The following PCDH15 variants were observed in gnomAD, a reference collection of about 807,000 sequenced individuals.
The protein encoded by PCDH15 is protocadherin related 15, also known as protocadherin-15.
In PCDH15, 129 loss-of-function variants were observed where a neutral mutation model predicts 178.5. That is an observed-to-expected ratio of 0.72 (90% CI 0.63 to 0.84). The LOEUF (loss-of-function observed/expected upper bound fraction) is 0.84. Among genes scored for constraint, PCDH15 ranks in the 40% least tolerant of loss-of-function variants. The pLI is 0.00. For synonymous variants in PCDH15, 800 were observed against 732.0 expected, an observed-to-expected ratio of 1.09 and a Z score of -1.50; for missense variants, 2,230 against 2,099.9, an observed-to-expected ratio of 1.06 and a Z score of -1.21.
At chr10:54,808,548 C>A (rs916217335) in intron 3 of PCDH15, among the ~76,000 whole-genome samples, 2 of 152,146 alleles carry the variant, frequency 1.3e-5, no homozygotes, top group Admixed American at 6.5e-5. Flanking sequence ...CTCCTACTGC[C>A]ACCTTTTAGA....
At chr10:54,140,429 T>C (rs2043288804) in intron 14 of PCDH15, among the ~76,000 whole-genome samples, 1 of 151,796 alleles carries the variant, frequency 6.6e-6, no homozygotes, top group Non-Finnish European at 1.5e-5. Context: ...CAAAGTTAAT[T>C]GAGTAGAAGA....
At chr10:55,450,826 G>A (rs887740832) in intron 2 of PCDH15, among the ~76,000 whole-genome samples, 1 of 151,828 alleles carries the variant, frequency 6.6e-6, no homozygotes, top group African/African-American at 2.4e-5. Flanking sequence ...ATCCAGCTAA[G>A]CAATCTCCCA....
At chr10:54,163,420 A>C (rs1156454294) in intron 13 of PCDH15, among the ~76,000 whole-genome samples, 2 of 151,760 alleles carry the variant, frequency 1.3e-5, no homozygotes, top group Non-Finnish European at 2.9e-5. Context: ...AGAGAGAGAG[A>C]GCGAGAGGAG....
At chr10:55,068,121 C>T (rs1046556904) in intron 2 of PCDH15, among the ~76,000 whole-genome samples, 1 of 151,874 alleles carries the variant, frequency 6.6e-6, no homozygotes, top group Non-Finnish European at 1.5e-5. Flanking sequence ...TTTTATTTGC[C>T]TGTACTTTTG....
At chr10:53,883,899 A>G (rs1473861823) in intron 26 of PCDH15, among the ~76,000 whole-genome samples, 5 of 152,124 alleles carry the variant, frequency 3.3e-5, no homozygotes, top group Admixed American at 6.5e-5. Flanking sequence ...TATTTTTAGT[A>G]GAGACGGGCT....
intron 1 of PCDH15, among the ~76,000 whole-genome samples, chr10:55,173,856 T>G (rs1331867434): frequency 1.3e-5 from 2 of 152,308 alleles, no homozygotes; most frequent in South Asian, 2.1e-4. Flanking sequence ...TTCATCTATC[T>G]ATTTTCATAT....
At chr10:55,150,515 T>C (rs1838680111) in intron 2 of PCDH15, among the ~76,000 whole-genome samples, 1 of 152,134 alleles carries the variant, frequency 6.6e-6, no homozygotes, top group Non-Finnish European at 1.5e-5. Context: ...TACAAAAATA[T>C]ATTCCACAGG....
At chr10:55,387,449 C>T (rs1837690522) in intron 2 of PCDH15, among the ~76,000 whole-genome samples, 1 of 152,020 alleles carries the variant, frequency 6.6e-6, no homozygotes, top group African/African-American at 2.4e-5. Flanking sequence ...TTGAAAATTC[C>T]TAACATAAGC....
chr10:54,711,413 G>A (rs2095426929), intron 1 of PCDH15, among the ~76,000 whole-genome samples: 1 of 151,780 alleles, frequency 6.6e-6, no homozygotes, highest in Non-Finnish European at 1.5e-5. Context: ...AAAATAAGAG[G>A]ACTTCTTGAT....
At chr10:55,457,273 CA>C (rs1460654161) in intron 2 of PCDH15, among the ~76,000 whole-genome samples, 1 of 152,010 alleles carries the variant, frequency 6.6e-6, no homozygotes, top group African/African-American at 2.4e-5. Context: ...TGTTGCCACA[CA>C]GAATAATCAA....
At chr10:55,544,660 A>G (rs1841839632) in intron 2 of PCDH15, among the ~76,000 whole-genome samples, 2 of 152,148 alleles carry the variant, frequency 1.3e-5, no homozygotes, top group Non-Finnish European at 2.9e-5. Context: ...ACTGGATACC[A>G]TCATACACAA....
chr10:54,204,992 TTTTC>T (rs1277569857), intron 10 of PCDH15, among the ~76,000 whole-genome samples: 12 of 152,142 alleles, frequency 7.9e-5, no homozygotes, highest in Admixed American at 1.3e-4. Flanking sequence ...TGCTTATTTG[TTTTC>T]TTTATTAGTT....
intron 3 of PCDH15, among the ~76,000 whole-genome samples, chr10:54,399,545 A>C (rs1197801263): frequency 1.3e-5 from 2 of 152,066 alleles, no homozygotes; most frequent in African/African-American, 4.8e-5. Flanking sequence ...GACAATTTTA[A>C]AGGGTGAAAG....
At chr10:55,299,955 CTT>C (rs1265212548) in intron 1 of PCDH15, among the ~76,000 whole-genome samples, 5 of 152,118 alleles carry the variant, frequency 3.3e-5, no homozygotes, top group Non-Finnish European at 7.4e-5. Context: ...ATATAAACAA[CTT>C]ATAACATTTT....
intron 2 of PCDH15, among the ~76,000 whole-genome samples, chr10:55,018,632 A>T (rs976737373): frequency 6.6e-6 from 1 of 152,166 alleles, no homozygotes; most frequent in Non-Finnish European, 1.5e-5. Flanking sequence ...AGGATAAGGT[A>T]GGGATAAAGA....
At chr10:54,184,243 A>G (rs530880792) in intron 12 of PCDH15, among the ~76,000 whole-genome samples, 1 of 152,308 alleles carries the variant, frequency 6.6e-6, no homozygotes, top group African/African-American at 2.4e-5. Flanking sequence ...TAACAATCAC[A>G]TAAACTTTCC....
At chr10:55,547,638 G>T (rs536695031) in intron 2 of PCDH15, among the ~76,000 whole-genome samples, 2 of 152,044 alleles carry the variant, frequency 1.3e-5, no homozygotes, top group Non-Finnish European at 2.9e-5. Context: ...CTCTTCCACT[G>T]AGATAAGTAG....
intron 2 of PCDH15, among the ~76,000 whole-genome samples, chr10:55,559,427 A>G (rs1327768025): frequency 6.6e-6 from 1 of 151,990 alleles, no homozygotes; most frequent in Non-Finnish European, 1.5e-5. Flanking sequence ...TATTTTCAAA[A>G]GCAAATCATA....
intron 2 of PCDH15, among the ~76,000 whole-genome samples, chr10:55,049,856 A>G (rs985419851): frequency 6.6e-6 from 1 of 152,080 alleles, no homozygotes; most frequent in Admixed American, 6.6e-5. Context: ...AGATCTGCTG[A>G]CATGCTTACA....
Sources: gnomAD v4.1 joint callset for allele counts (sites outside exome capture counted in the v4.1 genomes callset) on GRCh38, gnomAD v4.1.1 for gene constraint, MANE v1.5 for transcripts, NCBI Gene and HGNC (gene_info 2026-07-23, HGNC 2026-07-21) for gene names.